KCNAB2: variants seen among roughly 807,000 people sequenced by gnomAD.
KCNAB2 encodes potassium voltage-gated channel subfamily A regulatory beta subunit 2, also known as voltage-gated potassium channel subunit beta-2.
In KCNAB2, 29 loss-of-function variants were observed where a neutral mutation model predicts 63.6. That is an observed-to-expected ratio of 0.46 (90% CI 0.34 to 0.62). The LOEUF is 0.62. KCNAB2 is among the 20% of genes least tolerant of loss of function. The pLI, the probability that KCNAB2 is intolerant of heterozygous loss-of-function variation, is 0.01. For synonymous variants in KCNAB2, 222 were observed against 224.2 expected, an observed-to-expected ratio of 0.99 and a Z score of 0.09; for missense variants, 359 against 563.9, an observed-to-expected ratio of 0.64 and a Z score of 3.68.
intron 1 of KCNAB2, among the ~76,000 whole-genome samples, chr1:6,000,150 C>T (rs976916226): frequency 2.0e-5 from 3 of 152,128 alleles, no homozygotes; most frequent in Admixed American, 6.5e-5. Context: ...GATCCTGCAG[C>T]GCCTCCCGCC....
chr1:6,071,685 T>C lies in KCNAB2; in HGVS notation c.219-1070T>C, dbSNP rs1003819616. On this transcript the variant is annotated intron_variant, in intron 2 of 15. Coordinates refer to ENST00000378083, the MANE Select transcript of KCNAB2 (RefSeq NM_001199862.2). This position sits in a 1 kb window ranked among gnomAD's most constrained non-coding sequence, Gnocchi z 8.5. ...CTCCTGCCACCGCGTAGGGCTCTGC[T>C]GCGTAGGACTCCTGCCGCCGCATAG... is the stretch of plus-strand genomic sequence containing the variant. 4.0e-5 allele frequency among the ~76,000 whole-genome samples: 6 copies of C among 151,654 alleles called. No homozygotes were observed. Among genetic ancestry groups the C allele is most frequent in the African/African-American group, 1.5e-4 (6 of 41,248 alleles).
rs1450401560 is a variant in KCNAB2, at chr1:6,046,150, C to A, written c.-60C>A. ...TGATCCCTAATAAACCAGACTGTGG[C>A]CTTTTTAACGAGCAGACGCCCCCAC... On this transcript the variant is annotated 5_prime_UTR_variant, in exon 1 of 16. Transcript: ENST00000378083. The A allele has an allele frequency of 5.1e-6, 5 of 985,286 alleles. No homozygotes were observed. Among genetic ancestry groups the A allele is most frequent in the Non-Finnish European group, 6.0e-6 (5 of 829,926 alleles). The allele number at this position is 985,286 out of a possible 1,614,324, so 61.0% of individuals were successfully genotyped here.
At position 6,099,798 on chromosome 1, in the gene KCNAB2, C is replaced by G. The variant is rs1242719659; in HGVS notation, c.*1224C>G. On this transcript the variant is annotated 3_prime_UTR_variant, in exon 16 of 16. Transcript: ENST00000378083. Reference sequence around the variant, plus strand: ...GGGCAGGGCTGGTTAGCCCCTCCCACTGCCTGACACCTGGGACAGGCTGGG... The same window carrying G: ...GGGCAGGGCTGGTTAGCCCCTCCCAGTGCCTGACACCTGGGACAGGCTGGG... 7.3e-6 allele frequency: 11 copies of G among 1,505,676 alleles called. No homozygotes were observed. The highest frequency in any genetic ancestry group is 2.2e-5 in the Admixed American group (1 of 45,184). The allele number at this position is 1,505,676 out of a possible 1,614,324, so 93.3% of individuals were successfully genotyped here.
chr1:6,087,467 G>A lies in KCNAB2; in HGVS notation c.426G>A (p.Arg142=), dbSNP rs1433643813. Residue 142 remains arginine, a splice_region_variant and synonymous_variant, in exon 7 of 16, where the codon AGG becomes AGA. Transcript: ENST00000378083. This position sits in a 1 kb window ranked among gnomAD's most constrained non-coding sequence, Gnocchi z 6.4. The part of the protein sequence containing the change: ...LGNIIKKKGW[R]RSSLVITTKI... Reference sequence around the variant, plus strand: ...CCCTTCTTTCTCTTCTGTTCCACAGGCGGTCCAGCCTCGTCATCACCACCA... The same window carrying A: ...CCCTTCTTTCTCTTCTGTTCCACAGACGGTCCAGCCTCGTCATCACCACCA... The A allele has an allele frequency of 1.2e-6, 2 of 1,614,158 alleles. No homozygotes were observed. Among genetic ancestry groups the A allele is most frequent in the Non-Finnish European group, 1.7e-6 (2 of 1,180,026 alleles).
chr1:6,055,125 G>A (rs983606734), intron 2 of KCNAB2, among the ~76,000 whole-genome samples: 70 of 152,200 alleles, frequency 4.6e-4, no homozygotes, highest in African/African-American at 1.3e-3. Context: ...TCAGACTCCA[G>A]AAGTGGGAGA....
intron 1 of KCNAB2, among the ~76,000 whole-genome samples, chr1:6,002,700 T>C (rs1657324408): frequency 6.6e-6 from 1 of 152,132 alleles, no homozygotes; most frequent in Non-Finnish European, 1.5e-5. Context: ...AAGGCCAAGG[T>C]CCCTTGAGTG....
At chr1:6,014,933 C>A (rs1374307298) in intron 1 of KCNAB2, among the ~76,000 whole-genome samples, 1 of 151,516 alleles carries the variant, frequency 6.6e-6, no homozygotes, top group Non-Finnish European at 1.5e-5. Context: ...CTCCAGCCCC[C>A]AGAGGAGCAG....
At chr1:5,993,215 T>G (rs1333615796) in intron 1 of KCNAB2, among the ~76,000 whole-genome samples, 1 of 151,664 alleles carries the variant, frequency 6.6e-6, no homozygotes, top group Non-Finnish European at 1.5e-5. Flanking sequence ...TTCCCGGTCC[T>G]CCCCATCTCT....
In KCNAB2 at chr1:6,069,803, C is replaced by T. The variant is rs982098454; in HGVS notation, c.219-2952C>T. On this transcript the variant is annotated intron_variant, in intron 2 of 15. Coordinates refer to ENST00000378083, the MANE Select transcript of KCNAB2 (RefSeq NM_001199862.2). This position sits in a 1 kb window ranked among gnomAD's most constrained non-coding sequence, Gnocchi z 5.4. ...ATGGCAGAACCAATACCATCATTTT[C>T]ACAGGGAAACAAGTTGAGCAGGGTA... Among the ~76,000 whole-genome samples the T allele has an allele frequency of 1.3e-5, 2 of 152,230 alleles. No individual in the cohort carries two copies. The highest frequency in any genetic ancestry group is 1.3e-4 in the Admixed American group (2 of 15,286).
chr1:6,049,521 A>G (rs1221261094), intron 1 of KCNAB2, among the ~76,000 whole-genome samples: 1 of 152,196 alleles, frequency 6.6e-6, no homozygotes, highest in African/African-American at 2.4e-5. Context: ...CCCGGGAGCC[A>G]TGCCCATCAG....
In KCNAB2 at chr1:6,051,680, C is replaced by T. The variant is rs1358735178; in HGVS notation, c.144C>T (p.Asn48=). 7.2e-6 allele frequency: 11 copies of T among 1,533,806 alleles called. No individual in the cohort carries two copies. The highest frequency in any genetic ancestry group is 6.9e-5 in the African/African-American group (5 of 72,990). ...REVRAAAQAR[N]MESFLRMHGL... Reference sequence around the variant, plus strand: ...TGCGGGCGGCTGCCCAGGCCAGGAACATGGAGAGCTTCCTCCGCATGCACG... The same window carrying T: ...TGCGGGCGGCTGCCCAGGCCAGGAATATGGAGAGCTTCCTCCGCATGCACG... Residue 48 remains asparagine (N), a synonymous_variant, in exon 2 of 16, where the codon AAC becomes AAT. Coordinates refer to ENST00000378083, the MANE Select transcript of KCNAB2 (RefSeq NM_001199862.2).
At chr1:6,081,757 G>T (rs1484551236) in intron 4 of KCNAB2, among the ~76,000 whole-genome samples, 1 of 152,124 alleles carries the variant, frequency 6.6e-6, no homozygotes, top group Non-Finnish European at 1.5e-5. Context: ...AGTCACATAG[G>T]GTGTAGGACC....
Position 6,051,645 on chromosome 1 carries a change from C to G in KCNAB2, c.109C>G (p.Leu37Val). The G allele has an allele frequency of 6.5e-7, 1 of 1,534,362 alleles. No individual in the cohort carries two copies. Among genetic ancestry groups the G allele is most frequent in the Non-Finnish European group, 8.7e-7 (1 of 1,146,682 alleles). ...RQTDTLELQRLREVRAAAQAR... is the reference protein window; with the variant it reads ...RQTDTLELQRVREVRAAAQAR... ...GACGGACACGCTGGAACTGCAGCGG[C>G]TGCGGGAGGTGCGGGCGGCTGCCCA... The change falls in exon 2 of 16, where the codon CTG becomes GTG. Residue 37 changes from leucine to valine, a missense_variant. Physicochemically the swap from Leu to Val is conservative, Grantham distance 32 (BLOSUM62 1). This residue lies in a region of KCNAB2 where 88 missense variants were observed against 87.8 expected (regional missense o/e 1.00). Transcript: ENST00000378083.
At chr1:6,060,857 C>T (rs572130287) in intron 2 of KCNAB2, among the ~76,000 whole-genome samples, 91 of 146,550 alleles carry the variant, frequency 6.2e-4, no homozygotes, top group African/African-American at 2.3e-3. Flanking sequence ...GAGCCAAGGT[C>T]GCACCACTGC....
chr1:6,012,100 G>C (rs1251083572), intron 1 of KCNAB2, among the ~76,000 whole-genome samples: 1 of 150,952 alleles, frequency 6.6e-6, no homozygotes, highest in Non-Finnish European at 1.5e-5. Flanking sequence ...GATGAAAGTA[G>C]AGATGATGGG....
intron 2 of KCNAB2, among the ~76,000 whole-genome samples, chr1:6,070,152 G>T (rs1461973854): frequency 6.6e-6 from 1 of 152,214 alleles, no homozygotes; most frequent in African/African-American, 2.4e-5. Flanking sequence ...ATCTAGACCA[G>T]TGGGGTCCAG....
rs201763102 is a variant in KCNAB2 at position 6,082,187 on chromosome 1, C to T, written c.301-8C>T. The T allele has an allele frequency of 1.4e-5, 22 of 1,612,742 alleles. No individual in the cohort carries two copies. In the East Asian group the frequency reaches 3.1e-4, roughly 23 times the overall value. On this transcript the variant is annotated splice_polypyrimidine_tract_variant and splice_region_variant and intron_variant, in intron 4 of 15. Coordinates refer to ENST00000378083, the MANE Select transcript of KCNAB2 (RefSeq NM_001199862.2). The stretch of plus-strand genomic sequence containing the variant: ...GCTGGCAGGACAGTGTCGGTTTTCT[C>T]GTTTCAGATGGCAGAGCAGCTCATG...
rs574163450 is a variant in KCNAB2 at position 6,003,416 on chromosome 1, G to A, written c.-53+10628G>A. On this transcript the variant is annotated intron_variant, in intron 1 of 16. Coordinates refer to the KCNAB2 transcript ENST00000341524. This position sits in a 1 kb window ranked among gnomAD's most constrained non-coding sequence, Gnocchi z 4.1. ...CCACTCGCTCGCTCGGCTGCCTTCA[G>A]CCCCTGCAGACACGCAGGCACCGTC... 2.6e-5 allele frequency among the ~76,000 whole-genome samples: 4 copies of A among 152,300 alleles called. No individual in the cohort carries two copies. The East Asian group carries it at 7.7e-4, about 29-fold the overall frequency.
At chr1:6,039,435 G>C (rs1557437894) in intron 1 of KCNAB2, among the ~76,000 whole-genome samples, 1 of 152,208 alleles carries the variant, frequency 6.6e-6, no homozygotes, top group Non-Finnish European at 1.5e-5. Context: ...GGACCCAGGG[G>C]TTCAGGTGAA....
Sources: allele counts gnomAD v4.1 joint callset (sites outside exome capture counted in the v4.1 genomes callset), GRCh38; gene constraint gnomAD v4.1.1; regional missense constraint gnomAD v4.1.1; non-coding constraint Gnocchi (gnomAD v3.1); transcripts MANE v1.5; gene names NCBI Gene and HGNC (gene_info 2026-07-23, HGNC 2026-07-21).